The following NRXN3 variants were observed in gnomAD, a reference collection of about 807,000 sequenced individuals.
NRXN3 encodes neurexin III.
Under a neutral mutation model 137.6 loss-of-function variants are expected in NRXN3, and 32 were observed. The ratio of observed to expected loss-of-function variants is 0.23; its 90% CI spans 0.18 to 0.31. The LOEUF is 0.31. NRXN3 is among the 10% of genes least tolerant of loss of function. NRXN3 has a pLI of 1.00. For missense variants in NRXN3, 1,574 were observed against 2,062.5 expected (o/e 0.76, Z 4.59); for synonymous variants, 798 against 784.5 (o/e 1.02, Z -0.29).
At chr14:79,702,869 A>G (rs1306985034) in intron 19 of NRXN3, among the ~76,000 whole-genome samples, 1 of 86,238 alleles carries the variant, frequency 1.2e-5, no homozygotes, top group African/African-American at 4.5e-5. Flanking sequence ...TTCAGGATAG[A>G]AGGAAAAAGT....
chr14:78,373,240 G>A (rs367621037), intron 4 of NRXN3, among the ~76,000 whole-genome samples: 1 of 144,408 alleles, frequency 6.9e-6, no homozygotes, highest in South Asian at 2.3e-4. Context: ...GGGGACAGTG[G>A]TTGTAGGTAG....
intron 8 of NRXN3, among the ~76,000 whole-genome samples, chr14:78,767,341 A>G (rs1426372956): frequency 6.6e-6 from 1 of 152,238 alleles, no homozygotes; most frequent in African/African-American, 2.4e-5. Flanking sequence ...ATTTACATTT[A>G]TATTTACTAA....
intron 8 of NRXN3, among the ~76,000 whole-genome samples, chr14:78,781,939 T>C (rs1380155218): frequency 3.3e-5 from 5 of 152,186 alleles, no homozygotes; most frequent in African/African-American, 7.2e-5. Context: ...TCTTCCCAAA[T>C]ACATATTTCA....
At chr14:79,760,470 C>T (rs915598331) in intron 19 of NRXN3, among the ~76,000 whole-genome samples, 6 of 147,302 alleles carry the variant, frequency 4.1e-5, no homozygotes, top group African/African-American at 1.5e-4. Context: ...GCTGTTTGGC[C>T]CGTGGTATTC....
chr14:79,072,468 C>CCTG (rs2152718274), intron 15 of NRXN3: 1 of 152,178 alleles, frequency 6.6e-6, no homozygotes, highest in East Asian at 1.9e-4. Flanking sequence ...AGGTTACGAA[C>CCTG]CTCTGAACTT....
intron 19 of NRXN3, among the ~76,000 whole-genome samples, chr14:79,775,482 GA>G (rs2099093879): frequency 6.7e-6 from 1 of 148,350 alleles, no homozygotes; most frequent in Non-Finnish European, 1.5e-5. Flanking sequence ...TATTCATAGG[GA>G]AAGATATTCA....
intron 15 of NRXN3, among the ~76,000 whole-genome samples, chr14:78,990,058 G>A (rs773129859): frequency 2.7e-5 from 2 of 74,834 alleles, no homozygotes; most frequent in Admixed American, 2.1e-4. Flanking sequence ...GTATCACACT[G>A]TCTGACTTGG....
At chr14:78,554,681 A>G (rs1350858610) in intron 4 of NRXN3, among the ~76,000 whole-genome samples, 1 of 152,132 alleles carries the variant, frequency 6.6e-6, no homozygotes, top group Non-Finnish European at 1.5e-5. Context: ...ACCACCTGCA[A>G]TTGTCCATAT....
chr14:79,562,412 T>G (rs561706280), intron 16 of NRXN3, among the ~76,000 whole-genome samples: 1 of 152,264 alleles, frequency 6.6e-6, no homozygotes, highest in South Asian at 2.1e-4. Flanking sequence ...ATTATTGAAA[T>G]GAAGACGATA....
At chr14:79,182,947 T>G (rs1245608050) in intron 15 of NRXN3, among the ~76,000 whole-genome samples, 3 of 152,156 alleles carry the variant, frequency 2.0e-5, no homozygotes, top group African/African-American at 7.2e-5. Flanking sequence ...GGAAGTGACT[T>G]TGAGAAACAG....
chr14:79,740,707 GT>G lies in NRXN3; in HGVS notation c.4014+42776del, dbSNP rs71103816. Among the ~76,000 whole-genome samples the G allele has an allele frequency of 6.1e-3, 293 of 47,684 alleles. 8 individuals are homozygous for G. Among genetic ancestry groups the G allele is most frequent in the South Asian group, 0.015 (19 of 1,246 alleles). The allele number at this position is 47,684 out of a possible 152,430, so 31.3% of individuals were successfully genotyped here. A position where few individuals can be genotyped will look rare whatever the true frequency, so the allele number is the denominator to read the frequency against. On this transcript the variant is annotated intron_variant, in intron 19 of 20. Transcript: ENST00000335750. ...GCCTTTCCACTGGACTTTGCATTTAGTTTTTTATATATATATATATATATAT... is the reference window on the plus strand; with the variant it reads ...GCCTTTCCACTGGACTTTGCATTTAGTTTTTATATATATATATATATATAT...
At chr14:79,512,220 A>G (rs1359678119) in intron 16 of NRXN3, among the ~76,000 whole-genome samples, 1 of 152,202 alleles carries the variant, frequency 6.6e-6, no homozygotes, top group Non-Finnish European at 1.5e-5. Context: ...AGATGTATCA[A>G]TTGTAGCTTA....
At chr14:78,461,988 A>G (rs1433339380) in intron 4 of NRXN3, among the ~76,000 whole-genome samples, 1 of 152,230 alleles carries the variant, frequency 6.6e-6, no homozygotes, top group African/African-American at 2.4e-5. Context: ...CCAGCTTTGC[A>G]TTGAACTGCT....
intron 16 of NRXN3, among the ~76,000 whole-genome samples, chr14:79,510,618 C>T (rs141373868): frequency 2.0e-5 from 3 of 152,226 alleles, no homozygotes; most frequent in Middle Eastern, 3.4e-3. Flanking sequence ...TTGGGGCTGG[C>T]GTTAACTATC....
At position 78,913,855 on chromosome 14, in the gene NRXN3, G is replaced by A. The variant is rs997874647; in HGVS notation, c.2276-43387G>A. 1.4e-4 allele frequency among the ~76,000 whole-genome samples: 21 copies of A among 152,174 alleles called. 1 individual carries two copies. In the South Asian group the frequency reaches 2.1e-3, roughly 15 times the overall value. On this transcript the variant is annotated intron_variant, in intron 10 of 20. Coordinates refer to ENST00000335750, the MANE Select transcript of NRXN3 (RefSeq NM_001330195.2). ...CCCCACACTTGGTAATCTCAGGATC[G>A]TCTTTTCTTGATCCCCATGGTGCTA... is the stretch of plus-strand genomic sequence containing the variant.
intron 16 of NRXN3, among the ~76,000 whole-genome samples, chr14:79,651,924 T>G (rs1045454825): frequency 1.3e-5 from 2 of 152,178 alleles, no homozygotes; most frequent in Admixed American, 1.3e-4. Flanking sequence ...CTGGAATCCA[T>G]AGTTTGTTTT....
chr14:79,624,572 A>G (rs1249512155), intron 16 of NRXN3, among the ~76,000 whole-genome samples: 1 of 152,128 alleles, frequency 6.6e-6, no homozygotes, highest in Non-Finnish European at 1.5e-5. Flanking sequence ...TCCATGATAC[A>G]ATACAGTAGT....
At chr14:79,285,212 A>G (rs1464353205) in intron 15 of NRXN3, among the ~76,000 whole-genome samples, 1 of 152,176 alleles carries the variant, frequency 6.6e-6, no homozygotes, top group African/African-American at 2.4e-5. Flanking sequence ...AAACTTGCCG[A>G]TACTGGCTGC....
At chr14:78,415,797 G>A (rs1035889696) in intron 4 of NRXN3, among the ~76,000 whole-genome samples, 2 of 151,898 alleles carry the variant, frequency 1.3e-5, no homozygotes, top group Admixed American at 6.6e-5. Context: ...CTTATGAAAC[G>A]AGGAAGAGAT....
Sources: gnomAD v4.1 joint callset for allele counts (sites outside exome capture counted in the v4.1 genomes callset) on GRCh38, gnomAD v4.1.1 for gene constraint, MANE v1.5 for transcripts, NCBI Gene and HGNC (gene_info 2026-07-23, HGNC 2026-07-21) for gene names.